Variants in ANO6 observed in about 807,000 individuals in gnomAD.
The protein encoded by ANO6 is anoctamin 6.
Under a neutral mutation model 117.5 loss-of-function variants are expected in ANO6, and 106 were observed. The observed-to-expected ratio is 0.90, with a 90% CI of 0.77 to 1.06. The LOEUF (loss-of-function observed/expected upper bound fraction) is 1.06, where lower values mean the gene tolerates loss of function less well. ANO6 is among the 50% of genes least tolerant of loss of function. The probability of loss-of-function intolerance (pLI) is 0.00; values close to 1 mark genes in which losing one functional copy is unlikely to be tolerated. For synonymous variants in ANO6, 367 were observed against 385.1 expected (o/e 0.95, Z 0.55); for missense variants, 955 against 1,121.1 (o/e 0.85, Z 2.12).
intron 5 of ANO6, 26 bp from the exon 6 acceptor site, chr12:45,348,492 C>A: frequency 6.3e-7 from 1 of 1,581,454 alleles, no homozygotes. Flanking sequence ...ATATAAACCG[C>A]ATACTCTATT....
At chr12:45,337,336 G>T (rs1406105180) in intron 3 of ANO6, among the ~76,000 whole-genome samples, 1 of 152,034 alleles carries the variant, frequency 6.6e-6, no homozygotes, top group Non-Finnish European at 1.5e-5. Context: ...ACTTACCATG[G>T]TGTTACAGCT....
intron 1 of ANO6, among the ~76,000 whole-genome samples, chr12:45,226,984 C>CTTTT (rs906373347): frequency 1.2e-4 from 14 of 112,750 alleles, no homozygotes; most frequent in Admixed American, 2.7e-4. Context: ...TTATCATTTT[C>CTTTT]TTTTTTTTTT....
chr12:45,218,127 A>C, intron 1 of ANO6, among the ~76,000 whole-genome samples: 1 of 151,802 alleles, frequency 6.6e-6, no homozygotes. Flanking sequence ...ACTTAAGAAA[A>C]AGTTAAATAT....
intron 2 of ANO6, among the ~76,000 whole-genome samples, chr12:45,315,402 G>A (rs1353611673): frequency 6.6e-6 from 1 of 151,974 alleles, no homozygotes; most frequent in Non-Finnish European, 1.5e-5. Flanking sequence ...TGGGGACTGG[G>A]CAGAAGCAGG....
At chr12:45,434,060 C>CTT (rs1943679883), downstream of ANO6, among the ~76,000 whole-genome samples, 1 of 152,220 alleles carries the variant, frequency 6.6e-6, no homozygotes, top group Non-Finnish European at 1.5e-5. Flanking sequence ...ATTTTTGTCA[C>CTT]TTTACCAACT....
intron 1 of ANO6, among the ~76,000 whole-genome samples, chr12:45,283,904 G>A (rs536159265): frequency 6.6e-6 from 1 of 152,116 alleles, no homozygotes; most frequent in Non-Finnish European, 1.5e-5. Context: ...TTCCTCTTAT[G>A]CATCCATAAG....
At chr12:45,371,123 A>C (rs11183007) in intron 9 of ANO6, among the ~76,000 whole-genome samples, 1 of 152,038 alleles carries the variant, frequency 6.6e-6, no homozygotes, top group South Asian at 2.1e-4. Flanking sequence ...AAATCGGGTC[A>C]CTCCCACCCG....
Position 45,350,889 on chromosome 12 carries a change from T to G in ANO6, c.863+115T>G. 6 of 883,598 alleles carry G rather than the reference T, an allele frequency of 6.8e-6. No homozygotes were observed. The South Asian group carries it at 8.6e-5, about 13-fold the overall frequency. 54.7% of individuals were successfully genotyped at this position (883,598 alleles called of 1,614,324 possible). ...GCCAGTGAAGGGAGCTGACCCAGAG[T>G]GCTGAGCTTCGTTGGCCAGGGTTTT... is the stretch of plus-strand genomic sequence containing the variant. On this transcript the variant is annotated intron_variant, in intron 7 of 19. Transcript: ENST00000320560.
intron 3 of ANO6, among the ~76,000 whole-genome samples, chr12:45,343,401 G>A (rs1015974615): frequency 2.2e-4 from 34 of 152,112 alleles, no homozygotes; most frequent in African/African-American, 7.7e-4. Context: ...AAAGACACAG[G>A]CATGGATCCT....
intron 2 of ANO6, among the ~76,000 whole-genome samples, chr12:45,304,877 A>C (rs2137314685): frequency 6.6e-6 from 1 of 152,318 alleles, no homozygotes; most frequent in Middle Eastern, 3.4e-3. Context: ...TATAGTGTGC[A>C]TATATCACAG....
chr12:45,293,054 A>G, intron 1 of ANO6: 1 of 1,397,330 alleles, frequency 7.2e-7, no homozygotes. Context: ...TCTTGAAGGG[A>G]CACTGTATTA....
In ANO6 at chr12:45,242,098, TC is replaced by T. The variant is rs1457863093; in HGVS notation, c.70+25709del. Reference sequence around the variant, plus strand: ...CCATGCTGGGAGAACCACTACTCTCTCCGGAGTTGTCAGACAGGGATGTTTA... The same window carrying T: ...CCATGCTGGGAGAACCACTACTCTCTCGGAGTTGTCAGACAGGGATGTTTA... On this transcript the variant is annotated intron_variant, in intron 1 of 19. Transcript: ENST00000320560. Among the ~76,000 whole-genome samples, 4 of 152,328 alleles carry T rather than the reference TC, an allele frequency of 2.6e-5. No homozygotes were observed. The East Asian group carries it at 7.7e-4, about 29-fold the overall frequency.
intron 16 of ANO6, among the ~76,000 whole-genome samples, chr12:45,413,665 A>T (rs779346102): frequency 3.6e-4 from 55 of 152,204 alleles, no homozygotes; most frequent in Admixed American, 4.6e-4. Context: ...AGTGGGAAGA[A>T]GTCTAGCAGA....
intron 17 of ANO6, 54 bp from the exon 18 acceptor site, chr12:45,421,017 C>G (rs1389688572): frequency 6.3e-7 from 1 of 1,593,506 alleles, no homozygotes; most frequent in Non-Finnish European, 8.6e-7. Context: ...GAGACTCCGT[C>G]TCAAAAACAA....
chr12:45,301,912 C>G, intron 1 of ANO6, 102 bp from the exon 2 acceptor site: 1 of 937,410 alleles, frequency 1.1e-6, no homozygotes, highest in Non-Finnish European at 1.8e-6. Context: ...TGTCAATGTG[C>G]TACCAATGTT....
chr12:45,259,365 G>A (rs1048963668), intron 1 of ANO6, among the ~76,000 whole-genome samples: 13 of 152,314 alleles, frequency 8.5e-5, no homozygotes, highest in African/African-American at 3.1e-4. Context: ...TTTCAGGGGA[G>A]CGAGTCATTG....
chr12:45,423,090 T>A (rs776178679), intron 19 of ANO6, 28 bp downstream of exon 19: 1 of 1,529,994 alleles, frequency 6.5e-7, no homozygotes, highest in Non-Finnish European at 9.1e-7. Flanking sequence ...TCAAACAGTT[T>A]ATAAGGATGT....
intron 1 of ANO6, among the ~76,000 whole-genome samples, chr12:45,298,848 T>G (rs1306447308): frequency 6.6e-6 from 1 of 152,198 alleles, no homozygotes; most frequent in South Asian, 2.1e-4. Flanking sequence ...GCTTGTCTTT[T>G]CATTTAGAAA....
intron 1 of ANO6, among the ~76,000 whole-genome samples, chr12:45,251,076 GA>G (rs920161758): frequency 7.3e-5 from 11 of 151,318 alleles, no homozygotes; most frequent in Admixed American, 2.0e-4. Flanking sequence ...AAAAAAAAAG[GA>G]AAAAAAACCC....
Sources: allele counts gnomAD v4.1 joint callset (sites outside exome capture counted in the v4.1 genomes callset), GRCh38; gene constraint gnomAD v4.1.1; transcripts MANE v1.5; gene names NCBI Gene and HGNC (gene_info 2026-07-23, HGNC 2026-07-21).